RICTOR: variants seen among roughly 807,000 people sequenced by gnomAD.
The protein encoded by RICTOR is rapamycin-insensitive companion of mTOR.
Under a neutral mutation model 214.9 loss-of-function variants are expected in RICTOR, and 49 were observed. The ratio of observed to expected loss-of-function variants is 0.23; its 90% CI spans 0.18 to 0.29. The LOEUF (loss-of-function observed/expected upper bound fraction) is 0.29, where lower values mean the gene tolerates loss of function less well. RICTOR is among the 10% of genes least tolerant of loss of function. The pLI, the probability that RICTOR is intolerant of heterozygous loss-of-function variation, is 1.00. For missense variants in RICTOR, 1,625 were observed against 2,047.0 expected (o/e 0.79, Z 3.98); for synonymous variants, 717 against 711.3 (o/e 1.01, Z -0.13).
At chr5:38,986,780 G>A (rs1228844874) in intron 7 of RICTOR, among the ~76,000 whole-genome samples, 4 of 152,184 alleles carry the variant, frequency 2.6e-5, no homozygotes, top group Non-Finnish European at 5.9e-5. Context: ...TGGTGACAGA[G>A]GGCATCTTTG....
chr5:39,072,254 A>G (rs1438444132), intron 2 of RICTOR, among the ~76,000 whole-genome samples: 1 of 152,214 alleles, frequency 6.6e-6, no homozygotes, highest in Non-Finnish European at 1.5e-5. Flanking sequence ...CTATGGACAT[A>G]GGTGCTTACT....
chr5:39,070,836 C>T (rs897947099), intron 2 of RICTOR, among the ~76,000 whole-genome samples: 1 of 152,122 alleles, frequency 6.6e-6, no homozygotes, highest in Non-Finnish European at 1.5e-5. Context: ...CGAGAGGAAG[C>T]ATTTGGGCTT....
At chr5:38,975,324 A>G (rs567098562) in intron 10 of RICTOR, among the ~76,000 whole-genome samples, 1 of 152,304 alleles carries the variant, frequency 6.6e-6, no homozygotes, top group South Asian at 2.1e-4. Flanking sequence ...ATATGTGTAT[A>G]CTGATCATAA....
At position 39,002,383 on chromosome 5, in the gene RICTOR, T is replaced by TGC. The variant is rs1753705494; in HGVS notation, c.392+151_392+152insGC. 3.8e-5 allele frequency: 7 copies of TGC among 185,342 alleles called. No homozygotes were observed. In the East Asian group the frequency reaches 9.0e-4, roughly 24 times the overall value. 11.5% of individuals were successfully genotyped at this position (185,342 alleles called of 1,614,324 possible). The stretch of plus-strand genomic sequence containing the variant: ...AATGTTCTAAATCTTGTTACTTGGT[T>TGC]GTGTGTGTGTGTGTGTGTATATATA... On this transcript the variant is annotated intron_variant, in intron 5 of 37. Coordinates refer to ENST00000357387, the MANE Select transcript of RICTOR (RefSeq NM_152756.5).
chr5:38,990,912 A>G, intron 7 of RICTOR, 37 bp downstream of exon 7: 1 of 1,441,200 alleles, frequency 6.9e-7, no homozygotes, highest in African/African-American at 1.4e-5. Flanking sequence ...ATCCTTTCTA[A>G]AATATTACAT....
chr5:39,046,130 T>C (rs1392706810), intron 2 of RICTOR, among the ~76,000 whole-genome samples: 1 of 151,434 alleles, frequency 6.6e-6, no homozygotes, highest in Non-Finnish European at 1.5e-5. Flanking sequence ...TGGGAGGATT[T>C]CTTGAGGCCA....
chr5:39,054,937 G>A (rs1037654182), intron 2 of RICTOR, among the ~76,000 whole-genome samples: 4 of 152,116 alleles, frequency 2.6e-5, no homozygotes, highest in South Asian at 4.1e-4. Flanking sequence ...TTGCTATCTC[G>A]TCTTGAAAAA....
At chr5:39,028,512 GAAATATTACAA>G (rs773888123) in intron 2 of RICTOR, among the ~76,000 whole-genome samples, 132 of 152,232 alleles carry the variant, frequency 8.7e-4, no homozygotes, top group Non-Finnish European at 1.5e-3. Flanking sequence ...GGAGGAGCAT[GAAATATTACAA>G]CCACTTTAAA....
chr5:39,000,250 C>T (rs1480278774), intron 5 of RICTOR, among the ~76,000 whole-genome samples: 1 of 151,778 alleles, frequency 6.6e-6, no homozygotes, highest in African/African-American at 2.4e-5. Flanking sequence ...AAAAAAAATA[C>T]ATATCTTACA....
chr5:39,002,978 C>T (rs1580069230), intron 4 of RICTOR, among the ~76,000 whole-genome samples: 1 of 151,994 alleles, frequency 6.6e-6, no homozygotes, highest in Non-Finnish European at 1.5e-5. Flanking sequence ...AACAATGGTA[C>T]AGCCTTTTTC....
At chr5:39,025,810 C>T (rs930452326) in intron 2 of RICTOR, among the ~76,000 whole-genome samples, 22 of 152,166 alleles carry the variant, frequency 1.4e-4, no homozygotes, top group African/African-American at 2.7e-4. Context: ...AATACCAATA[C>T]GTTACGGGTT....
Position 38,967,185 on chromosome 5 carries a change from T to C in RICTOR, c.1194A>G (p.Ala398=), listed in dbSNP as rs776463459. ...CCTCTAAAAGTCCATTACGAATAAATGCAGAGAGTATCAGTGCCAAATAAT... is the reference window on the plus strand; with the variant it reads ...CCTCTAAAAGTCCATTACGAATAAACGCAGAGAGTATCAGTGCCAAATAAT... ...MDNYLALILS[A]FIRNGLLEGL... Residue 398 remains alanine (A), a synonymous_variant, in exon 14 of 38, where the codon GCA becomes GCG. Transcript: ENST00000357387. 1 of 1,611,180 alleles carries C rather than the reference T, an allele frequency of 6.2e-7. No homozygotes were observed. Among genetic ancestry groups the C allele is most frequent in the South Asian group, 1.1e-5 (1 of 91,026 alleles).
At chr5:39,004,916 G>C (rs147692545) in intron 3 of RICTOR, among the ~76,000 whole-genome samples, 1 of 151,500 alleles carries the variant, frequency 6.6e-6, no homozygotes, top group Admixed American at 6.6e-5. Flanking sequence ...CTAGTAGCTG[G>C]GATTACAGGC....
chr5:38,998,448 A>C (rs1753342285), intron 5 of RICTOR, among the ~76,000 whole-genome samples: 1 of 152,150 alleles, frequency 6.6e-6, no homozygotes, highest in South Asian at 2.1e-4. Context: ...AGGCCTCCCA[A>C]AATGCTGGGA....
chr5:38,958,796 T>C lies in RICTOR; in HGVS notation c.2214A>G (p.Val738=). The change falls in exon 23 of 38, where the codon GTA becomes GTG. Residue 738 remains valine, a synonymous_variant. Transcript: ENST00000357387. ...AGAATTCAACATTAGCTCTCAATAA[T>C]ACCCTTAAATGTTTTGTTGCATAGA... The part of the protein sequence containing the change: ...CRLYATKHLR[V]LLRANVEFFN... 1.2e-6 allele frequency: 2 copies of C among 1,606,752 alleles called. No homozygotes were observed. Among genetic ancestry groups the C allele is most frequent in the South Asian group, 2.2e-5 (2 of 89,908 alleles).
intron 16 of RICTOR, among the ~76,000 whole-genome samples, chr5:38,963,981 C>T (rs768803510): frequency 1.1e-4 from 16 of 151,728 alleles, no homozygotes; most frequent in Non-Finnish European, 1.9e-4. Flanking sequence ...GATTATTAAG[C>T]GTACTTTATT....
intron 5 of RICTOR, among the ~76,000 whole-genome samples, chr5:38,997,747 C>T (rs1419792860): frequency 1.3e-5 from 2 of 152,188 alleles, no homozygotes; most frequent in Admixed American, 1.3e-4. Flanking sequence ...CCACATTCAA[C>T]CACATTTGTT....
intron 7 of RICTOR, among the ~76,000 whole-genome samples, chr5:38,990,632 T>C (rs1192109772): frequency 1.6e-5 from 1 of 61,136 alleles, no homozygotes; most frequent in Non-Finnish European, 3.7e-5. Flanking sequence ...ATGATATATA[T>C]ATCTGACATA....
intron 3 of RICTOR, among the ~76,000 whole-genome samples, chr5:39,020,559 T>A (rs1479909780): frequency 6.6e-6 from 1 of 152,222 alleles, no homozygotes; most frequent in Non-Finnish European, 1.5e-5. Flanking sequence ...AACATAATGC[T>A]ATTGCACACT....
Sources: gnomAD v4.1 joint callset for allele counts (sites outside exome capture counted in the v4.1 genomes callset) on GRCh38, gnomAD v4.1.1 for gene constraint, MANE v1.5 for transcripts, NCBI Gene and HGNC (gene_info 2026-07-23, HGNC 2026-07-21) for gene names.